CD99L2: variants seen among roughly 807,000 people sequenced by gnomAD.
The protein encoded by CD99L2 is CD99 molecule like 2.
A neutral mutation model predicts 27.3 loss-of-function variants in CD99L2; 24 were observed. The observed-to-expected ratio is 0.88, with a 90% confidence interval of 0.64 to 1.24. The LOEUF (loss-of-function observed/expected upper bound fraction) is 1.24. Ranked by LOEUF, CD99L2 falls within the 50% of genes most tolerant of loss-of-function variation. CD99L2 has a pLI of 0.00. For synonymous variants in CD99L2, 97 were observed against 87.9 expected (o/e 1.10, Z -0.58); for missense variants, 255 against 221.6 (o/e 1.15, Z -0.96).
chrX:150,831,430 G>A, intron 1 of CD99L2, 137 bp from the exon 2 acceptor site: 2 of 493,985 alleles, frequency 4.0e-6, no homozygotes, highest in South Asian at 7.0e-5. Flanking sequence ...AACCCAAAGT[G>A]AGTGGTGGTA....
intron 1 of CD99L2, among the ~76,000 whole-genome samples, chrX:150,835,794 C>T (rs782787261): frequency 8.9e-6 from 1 of 111,781 alleles, no homozygotes; most frequent in Admixed American, 9.5e-5. Flanking sequence ...GTTGAAGGCT[C>T]AGGTGTTTCG....
rs2046342349 is a variant in CD99L2 at position 150,824,698 on chromosome X, A to AGAGGAG, written c.130+6532_130+6533insCTCCTC. 6.9e-5 allele frequency among the ~76,000 whole-genome samples: 6 copies of AGAGGAG among 87,451 alleles called. No individual in the cohort carries two copies. The Admixed American group carries it at 8.0e-4, about 12-fold the overall frequency. The allele number at this position is 87,451 out of a possible 115,157, so 75.9% of individuals were successfully genotyped here. ...AGGAAGAAGAAGAAGAGGAAGAGGA[A>AGAGGAG]GAGGAAGAGGAAGAAGAAGAAGAAG... On this transcript the variant is annotated intron_variant, in intron 2 of 10. Coordinates refer to ENST00000370377, the MANE Select transcript of CD99L2 (RefSeq NM_031462.4).
chrX:150,874,603 C>G (rs1463385471), intron 1 of CD99L2, among the ~76,000 whole-genome samples: 1 of 111,296 alleles, frequency 9.0e-6, no homozygotes, highest in Admixed American at 9.4e-5. Flanking sequence ...GGAGAGGGAG[C>G]CTTCAGGAGA....
chrX:150,839,221 A>C (rs1162540267), intron 1 of CD99L2, among the ~76,000 whole-genome samples: 1 of 111,990 alleles, frequency 8.9e-6, no homozygotes, highest in Non-Finnish European at 1.9e-5. Flanking sequence ...CAAAATTCTA[A>C]GGTAGACTTT....
intron 7 of CD99L2, among the ~76,000 whole-genome samples, chrX:150,790,081 A>G (rs1415202677): frequency 9.0e-6 from 1 of 111,108 alleles, no homozygotes; most frequent in Non-Finnish European, 1.9e-5. Context: ...TAAGTGAAAG[A>G]AGCTAGTCTG....
chrX:150,859,381 C>T (rs2046939590), intron 1 of CD99L2, among the ~76,000 whole-genome samples: 1 of 110,986 alleles, frequency 9.0e-6, no homozygotes, highest in African/African-American at 3.3e-5. Flanking sequence ...CAGCTATAAT[C>T]CCAACTACTC....
intron 4 of CD99L2, among the ~76,000 whole-genome samples, chrX:150,800,286 A>G (rs1749205920): frequency 9.0e-6 from 1 of 111,189 alleles, no homozygotes; most frequent in East Asian, 2.8e-4. Context: ...CTGATGAAAA[A>G]CTGTTGGAAA....
At chrX:150,789,402 G>A (rs2045649984) in intron 7 of CD99L2, among the ~76,000 whole-genome samples, 1 of 111,893 alleles carries the variant, frequency 8.9e-6, no homozygotes, top group African/African-American at 3.2e-5. Flanking sequence ...GATTACAGGC[G>A]TGAGCCACCA....
chrX:150,844,783 A>G (rs193235667), intron 1 of CD99L2, among the ~76,000 whole-genome samples: 1 of 111,607 alleles, frequency 9.0e-6, no homozygotes, highest in Non-Finnish European at 1.9e-5. Context: ...ATTTCAGTCC[A>G]CAACAGCCAC....
chrX:150,800,333 G>A (rs782110579), intron 4 of CD99L2, among the ~76,000 whole-genome samples: 3 of 111,569 alleles, frequency 2.7e-5, no homozygotes, highest in African/African-American at 6.5e-5. Context: ...TGTGAATACC[G>A]ATGATCCTCC....
intron 1 of CD99L2, among the ~76,000 whole-genome samples, chrX:150,875,648 C>A (rs187299781): frequency 1.1e-3 from 119 of 111,932 alleles, no homozygotes; most frequent in African/African-American, 3.7e-3. Flanking sequence ...TGGCTGTGTC[C>A]CCACCCAAAT....
At chrX:150,896,446 C>G (rs2047612370) in intron 1 of CD99L2, among the ~76,000 whole-genome samples, 1 of 112,243 alleles carries the variant, frequency 8.9e-6, no homozygotes, top group Admixed American at 9.4e-5. Flanking sequence ...TAAAAGATAA[C>G]TGGGTAGCAG....
intron 1 of CD99L2, among the ~76,000 whole-genome samples, chrX:150,859,563 T>C (rs2046943912): frequency 9.3e-6 from 1 of 107,802 alleles, no homozygotes; most frequent in Non-Finnish European, 1.9e-5. Flanking sequence ...AGTGACGTGA[T>C]CTCAGCTCAC....
intron 1 of CD99L2, among the ~76,000 whole-genome samples, chrX:150,890,917 C>T (rs916548106): frequency 8.8e-6 from 1 of 113,107 alleles, no homozygotes; most frequent in South Asian, 3.6e-4. Flanking sequence ...AGGCTCCCAT[C>T]CCCTTGTAAA....
chrX:150,873,163 C>T (rs1220821895), intron 1 of CD99L2, among the ~76,000 whole-genome samples: 3 of 112,459 alleles, frequency 2.7e-5, no homozygotes, highest in Non-Finnish European at 5.6e-5. Flanking sequence ...CTGCAGCTGA[C>T]GACCTCACAG....
At chrX:150,795,960 A>G (rs2045790287) in intron 4 of CD99L2, among the ~76,000 whole-genome samples, 1 of 112,841 alleles carries the variant, frequency 8.9e-6, no homozygotes, top group Non-Finnish European at 1.9e-5. Context: ...ATAATTTTAT[A>G]TAACTGTGGT....
At chrX:150,795,556 A>T in intron 4 of CD99L2, 70 bp from the exon 5 acceptor site, 2 of 1,038,396 alleles carry the variant, frequency 1.9e-6, no homozygotes, top group Non-Finnish European at 2.7e-6. Flanking sequence ...TTCATGGCTC[A>T]GGGAAGTCAC....
intron 9 of CD99L2, chrX:150,771,818 T>C: frequency 3.5e-6 from 4 of 1,155,819 alleles, no homozygotes; most frequent in Non-Finnish European, 1.1e-6. Flanking sequence ...GACCTGCTGC[T>C]GCATCTGAAG....
chrX:150,820,180 G>T (rs1370319660), intron 2 of CD99L2, among the ~76,000 whole-genome samples: 1 of 109,029 alleles, frequency 9.2e-6, no homozygotes, highest in Non-Finnish European at 1.9e-5. Flanking sequence ...CCATGACCAA[G>T]AGGGGTTTAT....
Sources: allele counts gnomAD v4.1 joint callset (sites outside exome capture counted in the v4.1 genomes callset), GRCh38; gene constraint gnomAD v4.1.1; transcripts MANE v1.5; gene names NCBI Gene and HGNC (gene_info 2026-07-23, HGNC 2026-07-21).